The following UGGT2 variants were observed in gnomAD, a reference collection of about 807,000 sequenced individuals.
UGGT2 encodes UDP-glucose glycoprotein glucosyltransferase 2.
A neutral mutation model predicts 192.1 loss-of-function variants in UGGT2; 180 were observed. The ratio of observed to expected loss-of-function variants is 0.94; its 90% confidence interval spans 0.83 to 1.06. The LOEUF (loss-of-function observed/expected upper bound fraction) is 1.06, where lower values mean the gene tolerates loss of function less well. Ranked by LOEUF, UGGT2 falls within the 50% of genes least tolerant of loss-of-function variation. UGGT2 has a pLI of 0.00. For synonymous variants in UGGT2, 580 were observed against 591.0 expected (o/e 0.98, Z 0.27); for missense variants, 1,849 against 1,795.7 (o/e 1.03, Z -0.54).
chr13:95,867,023 T>G (rs1357826829), intron 30 of UGGT2, among the ~76,000 whole-genome samples: 1 of 152,130 alleles, frequency 6.6e-6, no homozygotes, highest in Non-Finnish European at 1.5e-5. Flanking sequence ...CTTCTCTTTT[T>G]AGAGCTAATT....
At chr13:96,032,440 T>C (rs531507114) in intron 1 of UGGT2, among the ~76,000 whole-genome samples, 1 of 152,258 alleles carries the variant, frequency 6.6e-6, no homozygotes, top group Non-Finnish European at 1.5e-5. Flanking sequence ...TAGAAAATCT[T>C]TTTTATTATT....
chr13:95,931,561 TG>T (rs1405750319), intron 17 of UGGT2, among the ~76,000 whole-genome samples: 4 of 65,318 alleles, frequency 6.1e-5, no homozygotes, highest in East Asian at 8.5e-4. Flanking sequence ...GGGGTGGGGG[TG>T]GGGGGGAGGC....
intron 38 of UGGT2, among the ~76,000 whole-genome samples, chr13:95,805,806 T>G (rs1884273745): frequency 6.6e-6 from 1 of 151,156 alleles, no homozygotes; most frequent in Non-Finnish European, 1.5e-5. Flanking sequence ...GAGTATAGAG[T>G]TTCAGATTTG....
At chr13:95,931,727 C>T (rs1431362159) in intron 17 of UGGT2, among the ~76,000 whole-genome samples, 4 of 152,150 alleles carry the variant, frequency 2.6e-5, no homozygotes, top group African/African-American at 9.6e-5. Context: ...GCCCGCCGGC[C>T]TGAGTGCAGG....
At chr13:95,992,315 A>G (rs958979802) in intron 7 of UGGT2, among the ~76,000 whole-genome samples, 1 of 152,186 alleles carries the variant, frequency 6.6e-6, no homozygotes, top group Admixed American at 6.5e-5. Context: ...CATTCTTCCA[A>G]TCCATGAGCA....
chr13:95,819,172 A>G (rs1885232210), intron 38 of UGGT2, among the ~76,000 whole-genome samples: 1 of 152,190 alleles, frequency 6.6e-6, no homozygotes, highest in South Asian at 2.1e-4. Context: ...TTGATAATAT[A>G]TTACCTTTCT....
chr13:96,046,626 G>A (rs2053318637), intron 1 of UGGT2, among the ~76,000 whole-genome samples: 1 of 152,194 alleles, frequency 6.6e-6, no homozygotes, highest in East Asian at 1.9e-4. Flanking sequence ...TGGGTACAGG[G>A]CAGTGGGTGC....
chr13:95,937,665 C>G (rs2049511109), intron 16 of UGGT2, among the ~76,000 whole-genome samples: 1 of 152,018 alleles, frequency 6.6e-6, no homozygotes, highest in Non-Finnish European at 1.5e-5. Flanking sequence ...TCTATGGGGC[C>G]CAGGAGAAGC....
intron 11 of UGGT2, among the ~76,000 whole-genome samples, chr13:95,971,744 A>C (rs1298073236): frequency 6.6e-6 from 1 of 152,118 alleles, no homozygotes; most frequent in Non-Finnish European, 1.5e-5. Flanking sequence ...TTATTTTTAC[A>C]ATACTAGGTC....
At chr13:95,949,290 A>G (rs772776554) in intron 13 of UGGT2, 45 bp downstream of exon 13, 17 of 1,396,738 alleles carry the variant, frequency 1.2e-5, no homozygotes, top group East Asian at 2.7e-5. Flanking sequence ...AAGAATGCTG[A>G]TATCTTTATA....
intron 20 of UGGT2, among the ~76,000 whole-genome samples, chr13:95,905,700 C>A (rs1176262046): frequency 6.6e-6 from 1 of 152,084 alleles, no homozygotes; most frequent in Non-Finnish European, 1.5e-5. Context: ...GTTACTGTAG[C>A]CTTGTAGTAT....
intron 30 of UGGT2, among the ~76,000 whole-genome samples, chr13:95,866,365 T>C (rs74106040): frequency 0.017 from 2,582 of 152,302 alleles, 71 homozygotes; most frequent in African/African-American, 0.059. Context: ...TTTCTGTTTC[T>C]GCTGGTTTTG....
chr13:95,906,961 C>T (rs2048310911), intron 20 of UGGT2, among the ~76,000 whole-genome samples: 2 of 152,188 alleles, frequency 1.3e-5, no homozygotes, highest in Non-Finnish European at 2.9e-5. Flanking sequence ...CAGGGCATCG[C>T]CTCACCTGGA....
chr13:96,037,713 A>C (rs1165977364), intron 1 of UGGT2, among the ~76,000 whole-genome samples: 1 of 152,176 alleles, frequency 6.6e-6, no homozygotes, highest in Non-Finnish European at 1.5e-5. Flanking sequence ...TTGCTCCCAC[A>C]TTATTTTCCT....
At chr13:96,053,042 G>C (rs576937518) in intron 1 of UGGT2, 113 bp downstream of exon 1, 4 of 1,334,338 alleles carry the variant, frequency 3.0e-6, no homozygotes, top group African/African-American at 1.6e-5. Flanking sequence ...CAGAGCGGGG[G>C]CGTCTGGAGA....
chr13:95,935,275 G>C (rs577199613), intron 17 of UGGT2, among the ~76,000 whole-genome samples: 2 of 152,274 alleles, frequency 1.3e-5, no homozygotes, highest in African/African-American at 4.8e-5. Flanking sequence ...TGATGTGGAT[G>C]CTTTATAGGG....
At chr13:95,988,722 G>T (rs144693409) in intron 8 of UGGT2, among the ~76,000 whole-genome samples, 1 of 152,172 alleles carries the variant, frequency 6.6e-6, no homozygotes, top group South Asian at 2.1e-4. Flanking sequence ...AAACTTAATA[G>T]ATTGTGTCTT....
At chr13:95,904,450 C>G (rs1451199722) in intron 20 of UGGT2, among the ~76,000 whole-genome samples, 1 of 127,464 alleles carries the variant, frequency 7.8e-6, no homozygotes, top group South Asian at 3.5e-4. Flanking sequence ...CCCCCTCCCC[C>G]CCACCCCACA....
At position 95,940,101 on chromosome 13, in the gene UGGT2, T is replaced by C. The variant is rs760350921; in HGVS notation, c.1678-10A>G. The C allele has an allele frequency of 7.0e-7, 1 of 1,435,210 alleles. No homozygotes were observed. Among genetic ancestry groups the C allele is most frequent in the Admixed American group, 2.6e-5 (1 of 38,268 alleles). 88.9% of individuals were successfully genotyped at this position (1,435,210 alleles called of 1,614,324 possible). A position where few individuals can be genotyped will look rare whatever the true frequency, so the allele number is the denominator to read the frequency against. ...TCACTTTTTGGTACATCTGTGAAAATTTAGATATTATAATTAATTTTCTTC... is the reference window on the plus strand; with the variant it reads ...TCACTTTTTGGTACATCTGTGAAAACTTAGATATTATAATTAATTTTCTTC... On this transcript the variant is annotated splice_polypyrimidine_tract_variant and intron_variant, in intron 15 of 38. Coordinates refer to ENST00000376747, the MANE Select transcript of UGGT2 (RefSeq NM_020121.4).
Sources: allele counts gnomAD v4.1 joint callset (sites outside exome capture counted in the v4.1 genomes callset), GRCh38; gene constraint gnomAD v4.1.1; transcripts MANE v1.5; gene names NCBI Gene and HGNC (gene_info 2026-07-23, HGNC 2026-07-21).